MYO18B: variants seen among roughly 807,000 people sequenced by gnomAD.
The protein encoded by MYO18B is unconventional myosin-XVIIIb.
Under a neutral mutation model 273.0 loss-of-function variants are expected in MYO18B, and 204 were observed. The observed-to-expected ratio is 0.75, with a 90% CI of 0.67 to 0.84. The LOEUF is 0.84. Ranked by LOEUF, MYO18B falls within the 40% of genes least tolerant of loss-of-function variation. MYO18B has a pLI of 0.00. For synonymous variants in MYO18B, 1,330 were observed against 1,305.7 expected, an observed-to-expected ratio of 1.02 and a Z score of -0.40; for missense variants, 3,212 against 3,287.6, an observed-to-expected ratio of 0.98 and a Z score of 0.56.
At chr22:26,021,949 C>T (rs1326521766) in intron 42 of MYO18B, among the ~76,000 whole-genome samples, 1 of 152,126 alleles carries the variant, frequency 6.6e-6, no homozygotes, top group African/African-American at 2.4e-5. Context: ...TAGAACCAGC[C>T]CCGGCATCTT....
intron 15 of MYO18B, among the ~76,000 whole-genome samples, chr22:25,832,354 A>G (rs1569083523): frequency 2.0e-5 from 3 of 152,340 alleles, no homozygotes; most frequent in South Asian, 4.1e-4. Flanking sequence ...CAACTCATAT[A>G]TAGATTGCAA....
In MYO18B at chr22:25,823,692, G is replaced by A. The variant is rs1440112238; in HGVS notation, c.2695+14G>A. The A allele has an allele frequency of 6.2e-7, 1 of 1,613,516 alleles. No individual in the cohort carries two copies. Among genetic ancestry groups the A allele is most frequent in the Non-Finnish European group, 8.5e-7 (1 of 1,179,616 alleles). Reference sequence around the variant, plus strand: ...AAACCAGCTCAGGTACATGGCTGCTGCCTCTTTGGGTGAGCTGGGCCCCCC... The same window carrying A: ...AAACCAGCTCAGGTACATGGCTGCTACCTCTTTGGGTGAGCTGGGCCCCCC... On this transcript the variant is annotated intron_variant, in intron 13 of 43. Transcript: ENST00000335473.
intron 34 of MYO18B, among the ~76,000 whole-genome samples, chr22:25,924,048 T>TTTG (rs1349748358): frequency 6.6e-6 from 1 of 152,026 alleles, no homozygotes; most frequent in Non-Finnish European, 1.5e-5. Flanking sequence ...AATCCACAGC[T>TTTG]TTGGCTTTTC....
intron 34 of MYO18B, among the ~76,000 whole-genome samples, chr22:25,943,836 C>T (rs1601638528): frequency 6.6e-6 from 1 of 151,434 alleles, no homozygotes; most frequent in South Asian, 2.1e-4. Context: ...TTTCCTGCCT[C>T]AGCCTCCCAA....
chr22:25,985,710 C>A (rs1049714305), intron 39 of MYO18B, among the ~76,000 whole-genome samples: 3 of 151,660 alleles, frequency 2.0e-5, no homozygotes, highest in East Asian at 1.9e-4. Flanking sequence ...GCTCAATGCA[C>A]CCTCCGCCTC....
chr22:25,818,499 GA>G (rs1358762984), intron 12 of MYO18B, among the ~76,000 whole-genome samples: 1 of 152,192 alleles, frequency 6.6e-6, no homozygotes, highest in Non-Finnish European at 1.5e-5. Context: ...TTGGTGAGAT[GA>G]GGCATGGAAA....
chr22:26,035,459 G>A (rs1430247346), downstream of MYO18B, among the ~76,000 whole-genome samples: 1 of 152,220 alleles, frequency 6.6e-6, no homozygotes, highest in African/African-American at 2.4e-5. Context: ...GCTGGCAGTG[G>A]TGATGCAGAA....
intron 12 of MYO18B, among the ~76,000 whole-genome samples, chr22:25,805,635 T>C (rs1345496121): frequency 1.3e-5 from 2 of 152,084 alleles, no homozygotes; most frequent in African/African-American, 2.4e-5. Context: ...AGTTCACACG[T>C]TTGGTTGGGT....
intron 25 of MYO18B, among the ~76,000 whole-genome samples, chr22:25,885,583 G>A (rs2091473247): frequency 6.6e-6 from 1 of 152,152 alleles, no homozygotes; most frequent in South Asian, 2.1e-4. Flanking sequence ...GGGGGGTTGA[G>A]GGGTTGCCTA....
At chr22:25,839,840 C>T (rs774951718) in intron 17 of MYO18B, among the ~76,000 whole-genome samples, 22 of 152,312 alleles carry the variant, frequency 1.4e-4, no homozygotes, top group Non-Finnish European at 2.6e-4. Flanking sequence ...TTCTGCTCAC[C>T]GCTCAACTGC....
chr22:25,915,803 GTTTA>G (rs1170241415), intron 33 of MYO18B, among the ~76,000 whole-genome samples: 1 of 152,092 alleles, frequency 6.6e-6, no homozygotes, highest in East Asian at 1.9e-4. Context: ...ATTGCTAACA[GTTTA>G]TTTAGGATTT....
chr22:25,781,609 CAA>C (rs67116433), intron 9 of MYO18B, 123 bp from the exon 10 acceptor site: 288 of 276,858 alleles, frequency 1.0e-3, no homozygotes, highest in South Asian at 3.5e-3. Context: ...GACTCCGTCT[CAA>C]AAAAAAAAAA....
chr22:25,781,032 A>C (rs1334481132), intron 9 of MYO18B, among the ~76,000 whole-genome samples: 3 of 152,334 alleles, frequency 2.0e-5, no homozygotes, highest in South Asian at 2.1e-4. Context: ...ATCCAGACTC[A>C]AGGAAAACCC....
rs745379598 is a variant in MYO18B at position 25,868,412 on chromosome 22, T to C, written c.3951+27T>C. 10 of 1,565,714 alleles carry C rather than the reference T, an allele frequency of 6.4e-6. No homozygotes were observed. In the South Asian group the frequency reaches 1.2e-4, roughly 18 times the overall value. On this transcript the variant is annotated intron_variant, in intron 22 of 43. Transcript: ENST00000335473. The stretch of plus-strand genomic sequence containing the variant: ...TGAGTAGAGCTGCTTTCTTACAACA[T>C]TCGCCCATCACATCAGGGACCCAGA...
rs758916055 is a variant in MYO18B at position 25,823,571 on chromosome 22, A to G, written c.2588A>G (p.Tyr863Cys). The G allele has an allele frequency of 1.9e-6, 3 of 1,613,856 alleles. No individual in the cohort carries two copies. Among genetic ancestry groups the G allele is most frequent in the African/African-American group, 1.3e-5 (1 of 74,918 alleles). ...NYAAEALGCEYEELNTATFKH... is the reference protein window; with the variant it reads ...NYAAEALGCECEELNTATFKH... ...GCAGCTGAGGCCCTGGGCTGCGAGT[A>G]TGAGGAGCTGAACACGGCCACCTTC... The change falls in exon 13 of 44, where the codon TAT becomes TGT. Residue 863 changes from tyrosine (Y) to cysteine (C), a missense_variant. By Grantham distance (194) the Tyr-to-Cys change is radical. Transcript: ENST00000335473.
At chr22:25,873,182 C>T (rs2091095279) in intron 22 of MYO18B, among the ~76,000 whole-genome samples, 1 of 152,210 alleles carries the variant, frequency 6.6e-6, no homozygotes, top group African/African-American at 2.4e-5. Context: ...CCTAGCTTCC[C>T]TCATTCCTGT....
At chr22:26,020,179 G>T (rs1223580465) in intron 42 of MYO18B, among the ~76,000 whole-genome samples, 3 of 152,080 alleles carry the variant, frequency 2.0e-5, no homozygotes, top group Non-Finnish European at 4.4e-5. Context: ...ATTTTGATGC[G>T]GTGATGCTTC....
intron 42 of MYO18B, among the ~76,000 whole-genome samples, chr22:26,014,716 A>G (rs1935174734): frequency 6.6e-6 from 1 of 152,186 alleles, no homozygotes; most frequent in Non-Finnish European, 1.5e-5. Context: ...CAACCTCACC[A>G]GCACCTGTCT....
intron 13 of MYO18B, 26 bp downstream of exon 13, chr22:25,823,704 G>A: frequency 6.2e-7 from 1 of 1,613,044 alleles, no homozygotes; most frequent in South Asian, 1.1e-5. Context: ...CTCTTTGGGT[G>A]AGCTGGGCCC....
Sources: gnomAD v4.1 joint callset for allele counts (sites outside exome capture counted in the v4.1 genomes callset) on GRCh38, gnomAD v4.1.1 for gene constraint, MANE v1.5 for transcripts, NCBI Gene and HGNC (gene_info 2026-07-23, HGNC 2026-07-21) for gene names.